The following ANO10 variants were observed in gnomAD, a reference collection of about 807,000 sequenced individuals.
ANO10 encodes anoctamin 10.
ANO10 carries 77 observed loss-of-function variants against 74.7 expected under a neutral mutation model. The ratio of observed to expected loss-of-function variants is 1.03; its 90% CI spans 0.86 to 1.25. The LOEUF (loss-of-function observed/expected upper bound fraction) is 1.25, where lower values mean the gene tolerates loss of function less well. ANO10 is among the 50% of genes most tolerant of loss of function. ANO10 has a pLI of 0.00. For missense variants in ANO10, 721 were observed against 778.1 expected (o/e 0.93, Z 0.87); for synonymous variants, 279 against 284.9 (o/e 0.98, Z 0.21).
At chr3:43,456,663 T>C (rs1446106580) in intron 11 of ANO10, among the ~76,000 whole-genome samples, 2 of 152,066 alleles carry the variant, frequency 1.3e-5, no homozygotes, top group Non-Finnish European at 2.9e-5. Flanking sequence ...ACAAACACCA[T>C]AATTTAAATA....
intron 11 of ANO10, among the ~76,000 whole-genome samples, chr3:43,474,259 T>C (rs1488582326): frequency 6.9e-6 from 1 of 145,780 alleles, no homozygotes; most frequent in Admixed American, 6.8e-5. Flanking sequence ...TAGAAGATTG[T>C]CAGCTCACAA....
chr3:43,545,488 C>T (rs955413089), intron 11 of ANO10, among the ~76,000 whole-genome samples: 3 of 152,124 alleles, frequency 2.0e-5, no homozygotes, highest in Admixed American at 6.5e-5. Flanking sequence ...GCCTCAGTCT[C>T]CCGAGTAGCT....
intron 4 of ANO10, among the ~76,000 whole-genome samples, chr3:43,582,018 AG>A (rs1266891949): frequency 2.0e-5 from 3 of 152,156 alleles, no homozygotes; most frequent in African/African-American, 7.2e-5. Context: ...AGCTTCTTTA[AG>A]GTTTATCAGC....
chr3:43,409,759 T>C (rs1265016484), intron 12 of ANO10, among the ~76,000 whole-genome samples: 3 of 152,196 alleles, frequency 2.0e-5, no homozygotes, highest in Non-Finnish European at 2.9e-5. Flanking sequence ...GATAAGCATA[T>C]GCATATTCCA....
chr3:43,423,167 C>A, intron 12 of ANO10, among the ~76,000 whole-genome samples: 1 of 151,746 alleles, frequency 6.6e-6, no homozygotes, highest in South Asian at 2.1e-4. Context: ...GTATGTGGTC[C>A]TTCTAAAGTG....
At chr3:43,555,838 T>C (rs539279881) in intron 9 of ANO10, among the ~76,000 whole-genome samples, 30 of 152,360 alleles carry the variant, frequency 2.0e-4, no homozygotes, top group Admixed American at 1.8e-3. Flanking sequence ...TCTTATTTTA[T>C]ATTTTACTAA....
rs140733773 is a variant in ANO10 at position 43,691,037 on chromosome 3, G to A, written c.-12+480C>T. ...AGGTGGACTCTGCCGACACCGGAGA[G>A]AGGTAAGCGCAGCCGGCAGGGGGCT... On this transcript the variant is annotated intron_variant, in intron 1 of 3. Transcript: ENST00000413397. The A allele has an allele frequency of 1.7e-5, 27 of 1,558,910 alleles. No individual in the cohort carries two copies. The South Asian group carries it at 2.7e-4, about 15-fold the overall frequency.
rs1297164334 is a variant in ANO10, at chr3:43,574,897, G to A, written c.1163-33C>T. On this transcript the variant is annotated intron_variant, in intron 6 of 12. Transcript: ENST00000292246. ...ATTAAAACACACAGGTAACTTCTCAGTAAGAAAACAATACGAAAGCACTGT... is the reference window on the plus strand; with the variant it reads ...ATTAAAACACACAGGTAACTTCTCAATAAGAAAACAATACGAAAGCACTGT... 6.9e-6 allele frequency: 11 copies of A among 1,589,542 alleles called. No homozygotes were observed. The Admixed American group carries it at 1.5e-4, about 22-fold the overall frequency.
chr3:43,535,692 T>TAGC (rs1178358831), intron 11 of ANO10, among the ~76,000 whole-genome samples: 4 of 152,242 alleles, frequency 2.6e-5, no homozygotes, highest in Non-Finnish European at 5.9e-5. Context: ...ACAGTTAGAG[T>TAGC]AGCACTGTGA....
intron 12 of ANO10, among the ~76,000 whole-genome samples, chr3:43,383,743 C>T (rs2092039039): frequency 6.6e-6 from 1 of 152,108 alleles, no homozygotes; most frequent in African/African-American, 2.4e-5. Flanking sequence ...ATTATTAAAA[C>T]CCTCAGCAAA....
intron 1 of ANO10, among the ~76,000 whole-genome samples, chr3:43,664,313 A>C (rs2083961736): frequency 6.6e-6 from 1 of 152,168 alleles, no homozygotes; most frequent in Non-Finnish European, 1.5e-5. Context: ...GGTGTTGGGA[A>C]AACTGGCTAG....
At chr3:43,431,333 A>G (rs774939616) in intron 12 of ANO10, among the ~76,000 whole-genome samples, 2 of 151,954 alleles carry the variant, frequency 1.3e-5, no homozygotes, top group African/African-American at 2.4e-5. Flanking sequence ...TCAGCCTCCC[A>G]AAGTGCTGGG....
Position 43,612,137 on chromosome 3 carries a change from A to ATT in ANO10, c.-11-6276_-11-6275dup, listed in dbSNP as rs1286914056. 1.1e-3 allele frequency among the ~76,000 whole-genome samples: 104 copies of ATT among 95,616 alleles called. 2 individuals are homozygous for ATT. The highest frequency in any genetic ancestry group is 3.7e-3 in the African/African-American group (85 of 23,042). The allele number at this position is 95,616 out of a possible 152,430, so 62.7% of individuals were successfully genotyped here. A position where few individuals can be genotyped will look rare whatever the true frequency, so the allele number is the denominator to read the frequency against. ...TGCAGTGGAATAAAGAAAATTAAAT[A>ATT]TTTTATATATATATATATATATATA... On this transcript the variant is annotated intron_variant, in intron 1 of 12. Transcript: ENST00000292246.
chr3:43,599,631 C>A (rs191542857), intron 3 of ANO10, among the ~76,000 whole-genome samples: 5 of 152,038 alleles, frequency 3.3e-5, no homozygotes. Flanking sequence ...CTTGGCCAGG[C>A]GCGGTGGCTC....
At chr3:43,498,423 A>G (rs2076988604) in intron 11 of ANO10, among the ~76,000 whole-genome samples, 1 of 152,238 alleles carries the variant, frequency 6.6e-6, no homozygotes, top group African/African-American at 2.4e-5. Context: ...CTAACCTGGG[A>G]GGACAATCCC....
chr3:43,539,858 A>G (rs1349381874), intron 11 of ANO10, among the ~76,000 whole-genome samples: 1 of 152,174 alleles, frequency 6.6e-6, no homozygotes, highest in Admixed American at 6.5e-5. Context: ...TCTGAGTGTA[A>G]AACGATCTCT....
chr3:43,573,014 G>C (rs1400252913), intron 7 of ANO10, among the ~76,000 whole-genome samples: 1 of 150,946 alleles, frequency 6.6e-6, no homozygotes, highest in Non-Finnish European at 1.5e-5. Flanking sequence ...TTTTTTACAA[G>C]GAAGTTACCT....
intron 7 of ANO10, among the ~76,000 whole-genome samples, chr3:43,572,677 A>G (rs1241120082): frequency 6.6e-6 from 1 of 152,106 alleles, no homozygotes; most frequent in Non-Finnish European, 1.5e-5. Flanking sequence ...CCTGCTCAAG[A>G]ACCTATAGCT....
intron 11 of ANO10, among the ~76,000 whole-genome samples, chr3:43,466,380 AAAAAAAACAAAC>A (rs2075620102): frequency 2.3e-5 from 2 of 85,348 alleles, no homozygotes; most frequent in South Asian, 9.2e-4. Flanking sequence ...AAAAAAAAAA[AAAAAAAACAAAC>A]AAAAAAACCA....
Sources: gnomAD v4.1 joint callset for allele counts (sites outside exome capture counted in the v4.1 genomes callset) on GRCh38, gnomAD v4.1.1 for gene constraint, MANE v1.5 for transcripts, NCBI Gene and HGNC (gene_info 2026-07-23, HGNC 2026-07-21) for gene names.